CBFA2T2: variants seen among roughly 807,000 people sequenced by gnomAD.
CBFA2T2 encodes protein CBFA2T2.
In CBFA2T2, 11 loss-of-function variants were observed where a neutral mutation model predicts 62.2. The ratio of observed to expected loss-of-function variants is 0.18; its 90% confidence interval spans 0.11 to 0.29. The LOEUF is 0.29. Among genes scored for constraint, CBFA2T2 ranks in the 10% least tolerant of loss-of-function variants. CBFA2T2 has a pLI of 1.00. For synonymous variants in CBFA2T2, 295 were observed against 287.5 expected, an observed-to-expected ratio of 1.03 and a Z score of -0.27; for missense variants, 592 against 774.1, an observed-to-expected ratio of 0.76 and a Z score of 2.79.
intron 1 of CBFA2T2, chr20:33,562,419 A>G (rs1169135327): frequency 1.0e-6 from 1 of 985,816 alleles, no homozygotes; most frequent in African/African-American, 1.7e-5. Context: ...CAAGGTGAAG[A>G]GCTGGTCTGT....
rs1261680323 is a variant in CBFA2T2, at chr20:33,494,430, C to T, written c.34+4129C>T. ...CCGAGTAGCTGGGACTACAGGTGCC[C>T]GCCGCCACGCCTGGCTAATTTTTTG... On this transcript the variant is annotated intron_variant, in intron 1 of 10. Transcript: ENST00000342704. 6.0e-5 allele frequency among the ~76,000 whole-genome samples: 9 copies of T among 149,152 alleles called. No individual in the cohort carries two copies. The South Asian group carries it at 1.9e-3, about 31-fold the overall frequency.
At chr20:33,497,920 T>C (rs1160578613) in intron 1 of CBFA2T2, among the ~76,000 whole-genome samples, 3 of 152,156 alleles carry the variant, frequency 2.0e-5, no homozygotes, top group African/African-American at 7.2e-5. Context: ...TGGGTTCCAA[T>C]GATTCTCCTG....
chr20:33,648,999 C>T lies in CBFA2T2; in HGVS notation c.*4353C>T, dbSNP rs578029562. 2 of 152,256 alleles carry T rather than the reference C, an allele frequency of 1.3e-5. No individual in the cohort carries two copies. The highest frequency in any genetic ancestry group is 2.1e-4 in the South Asian group (1 of 4,830). The allele number at this position is 152,256 out of a possible 1,614,324, so 9.4% of individuals were successfully genotyped here. Reference sequence around the variant, plus strand: ...ACAGCTGGAATTGTACGGTAGTGAGCTCTTCAAAATGAAAACAGAATGACC... The same window carrying T: ...ACAGCTGGAATTGTACGGTAGTGAGTTCTTCAAAATGAAAACAGAATGACC... On this transcript the variant is annotated 3_prime_UTR_variant, in exon 11 of 11. Transcript: ENST00000342704.
intron 5 of CBFA2T2, chr20:33,623,825 T>C (rs1327466129): frequency 1.4e-6 from 1 of 717,408 alleles, no homozygotes; most frequent in African/African-American, 1.7e-5. Context: ...TGAGTATTTT[T>C]CGGGAACTCT....
chr20:33,512,120 T>C (rs1236430226), intron 1 of CBFA2T2, among the ~76,000 whole-genome samples: 1 of 151,492 alleles, frequency 6.6e-6, no homozygotes, highest in Non-Finnish European at 1.5e-5. Flanking sequence ...GAGGTTGCAG[T>C]GAGCTGAGAT....
chr20:33,630,187 A>G (rs879859450), intron 8 of CBFA2T2, among the ~76,000 whole-genome samples: 1 of 152,158 alleles, frequency 6.6e-6, no homozygotes, highest in East Asian at 1.9e-4. Flanking sequence ...GCCTCAAGCA[A>G]TCCTCCTGCC....
intron 1 of CBFA2T2, among the ~76,000 whole-genome samples, chr20:33,494,262 TATATATATATA>T (rs1400661599): frequency 7.7e-5 from 6 of 77,882 alleles, no homozygotes; most frequent in African/African-American, 3.3e-4. Context: ...TATATATATA[TATATATATATA>T]TTTTTTTTTT....
At chr20:33,615,838 G>A (rs1398403157) in intron 3 of CBFA2T2, among the ~76,000 whole-genome samples, 1 of 152,070 alleles carries the variant, frequency 6.6e-6, no homozygotes, top group African/African-American at 2.4e-5. Context: ...AGTTCCCTAG[G>A]TTTTGTGTTT....
chr20:33,578,017 T>C (rs1463218249), intron 1 of CBFA2T2, among the ~76,000 whole-genome samples: 1 of 152,218 alleles, frequency 6.6e-6, no homozygotes, highest in African/African-American at 2.4e-5. Context: ...CTTGGGTAAA[T>C]ATGAAACTTG....
chr20:33,630,439 CTGAAAG>C (rs1466805855), intron 8 of CBFA2T2, among the ~76,000 whole-genome samples: 1 of 152,150 alleles, frequency 6.6e-6, no homozygotes, highest in Non-Finnish European at 1.5e-5. Flanking sequence ...CACAGTAGCC[CTGAAAG>C]TGTTTACCTT....
chr20:33,512,102 G>C (rs1322300725), intron 1 of CBFA2T2, among the ~76,000 whole-genome samples: 1 of 151,810 alleles, frequency 6.6e-6, no homozygotes, highest in Non-Finnish European at 1.5e-5. Flanking sequence ...GCTTGAACCC[G>C]GGAGGGGGAG....
intron 1 of CBFA2T2, among the ~76,000 whole-genome samples, chr20:33,579,997 A>G (rs1413817157): frequency 1.3e-5 from 2 of 151,766 alleles, no homozygotes; most frequent in Non-Finnish European, 2.9e-5. Flanking sequence ...TATTTTTTTT[A>G]GTAGAGACGG....
intron 1 of CBFA2T2, among the ~76,000 whole-genome samples, chr20:33,543,061 T>TCCA (rs2012447964): frequency 1.3e-5 from 2 of 152,154 alleles, no homozygotes; most frequent in Non-Finnish European, 2.9e-5. Flanking sequence ...TCGCCCAGGC[T>TCCA]GGAGTGCAGT....
At position 33,623,171 on chromosome 20, in the gene CBFA2T2, G is replaced by A; in HGVS notation, c.567G>A (p.Gln189=). The A allele has an allele frequency of 6.2e-7, 1 of 1,614,250 alleles. No homozygotes were observed. The change falls in exon 5 of 11, where the codon CAG becomes CAA. Residue 189 remains glutamine, a synonymous_variant. Coordinates refer to ENST00000342704, the MANE Select transcript of CBFA2T2 (RefSeq NM_001032999.3). The part of the protein sequence containing the change: ...ELLHCARAAK[Q]TPSQYLAQHE... The stretch of plus-strand genomic sequence containing the variant: ...TGCACTGCGCTCGGGCGGCCAAGCA[G>A]ACCCCATCCCAGTACCTGGCTCAGC...
chr20:33,638,045 G>A (rs186864757), intron 9 of CBFA2T2, among the ~76,000 whole-genome samples: 1 of 133,780 alleles, frequency 7.5e-6, no homozygotes, highest in Non-Finnish European at 1.5e-5. Context: ...CACAATCTCA[G>A]CTCACTGCAA....
intron 3 of CBFA2T2, among the ~76,000 whole-genome samples, chr20:33,617,111 C>T (rs900545313): frequency 6.6e-6 from 1 of 152,096 alleles, no homozygotes; most frequent in African/African-American, 2.4e-5. Flanking sequence ...TGGCTCACGC[C>T]TGTAATCCCA....
At chr20:33,610,203 C>T (rs371828617) in intron 2 of CBFA2T2, among the ~76,000 whole-genome samples, 3 of 152,236 alleles carry the variant, frequency 2.0e-5, no homozygotes, top group African/African-American at 4.8e-5. Flanking sequence ...GGTGGGAGGA[C>T]ACCTGAGTCC....
At chr20:33,536,049 A>G (rs1441267410) in intron 1 of CBFA2T2, among the ~76,000 whole-genome samples, 2 of 152,208 alleles carry the variant, frequency 1.3e-5, no homozygotes, top group Admixed American at 6.5e-5. Flanking sequence ...AACAAAATGA[A>G]AAGTCTCACA....
rs538479630 is a variant in CBFA2T2, at chr20:33,547,627, G to A, written c.34+57326G>A. 4.2e-3 allele frequency among the ~76,000 whole-genome samples: 635 copies of A among 151,958 alleles called. 4 individuals are homozygous for A. The highest frequency in any genetic ancestry group is 0.014 in the African/African-American group (589 of 41,386). ...GGTGAGGAGGTCAAGACTGCAGTGA[G>A]CTATGATTGCACCCCTGCACTCCAG... On this transcript the variant is annotated intron_variant, in intron 1 of 10. Coordinates refer to ENST00000342704, the MANE Select transcript of CBFA2T2 (RefSeq NM_001032999.3).
Sources: gnomAD v4.1 joint callset for allele counts (sites outside exome capture counted in the v4.1 genomes callset) on GRCh38, gnomAD v4.1.1 for gene constraint, MANE v1.5 for transcripts, NCBI Gene and HGNC (gene_info 2026-07-23, HGNC 2026-07-21) for gene names.